Variants in GAREM1 observed in about 807,000 individuals in gnomAD.
GAREM1 encodes GRB2 associated regulator of MAPK1 subtype 1.
Under a neutral mutation model 71.3 loss-of-function variants are expected in GAREM1, and 26 were observed. The ratio of observed to expected loss-of-function variants is 0.36; its 90% CI spans 0.27 to 0.51. GAREM1 has a LOEUF of 0.51. GAREM1 is among the 20% of genes least tolerant of loss of function. GAREM1 has a pLI of 0.95. For synonymous variants in GAREM1, 440 were observed against 433.2 expected (o/e 1.02, Z -0.20); for missense variants, 1,026 against 1,103.1 (o/e 0.93, Z 0.99).
At chr18:32,466,954 T>C (rs1300680778) in intron 1 of GAREM1, among the ~76,000 whole-genome samples, 1 of 152,310 alleles carries the variant, frequency 6.6e-6, no homozygotes, top group African/African-American at 2.4e-5. Context: ...TATCTTATCA[T>C]ACAAAGGCAA....
intron 1 of GAREM1, among the ~76,000 whole-genome samples, chr18:32,400,133 A>C (rs1171820124): frequency 1.3e-5 from 2 of 152,232 alleles, no homozygotes; most frequent in African/African-American, 2.4e-5. Flanking sequence ...TAGAAAGCTG[A>C]AACTGGATCT....
chr18:32,389,180 T>G (rs1005665910), intron 2 of GAREM1, among the ~76,000 whole-genome samples: 2 of 152,016 alleles, frequency 1.3e-5, no homozygotes, highest in African/African-American at 4.8e-5. Context: ...CAAAATAAAA[T>G]TACAAAAGCA....
At chr18:32,439,993 C>A (rs550438000) in intron 1 of GAREM1, among the ~76,000 whole-genome samples, 1 of 152,170 alleles carries the variant, frequency 6.6e-6, no homozygotes, top group Non-Finnish European at 1.5e-5. Flanking sequence ...TTAGGACCAG[C>A]GGGGGCACTC....
intron 2 of GAREM1, among the ~76,000 whole-genome samples, chr18:32,383,932 A>C (rs1265601765): frequency 6.6e-6 from 1 of 152,230 alleles, no homozygotes; most frequent in Non-Finnish European, 1.5e-5. Flanking sequence ...TAAAATTTTT[A>C]GAGCTTTACT....
chr18:32,399,816 A>C (rs1338817285), intron 1 of GAREM1, among the ~76,000 whole-genome samples: 1 of 152,212 alleles, frequency 6.6e-6, no homozygotes, highest in East Asian at 1.9e-4. Flanking sequence ...GAATTGGAAA[A>C]AACTACTTTA....
At chr18:32,364,026 A>ATTTT (rs1336753011) in intron 2 of GAREM1, among the ~76,000 whole-genome samples, 1 of 46,418 alleles carries the variant, frequency 2.2e-5, no homozygotes, top group African/African-American at 1.6e-4. Flanking sequence ...ATATATATAT[A>ATTTT]TGTTTTTTTT....
At chr18:32,277,320 T>C (rs766325974) in intron 4 of GAREM1, among the ~76,000 whole-genome samples, 14 of 152,212 alleles carry the variant, frequency 9.2e-5, no homozygotes, top group South Asian at 4.1e-4. Context: ...TGCATGCATG[T>C]AAGCTGGAGG....
At chr18:32,285,441 G>A (rs1012482164) in intron 4 of GAREM1, among the ~76,000 whole-genome samples, 2 of 152,146 alleles carry the variant, frequency 1.3e-5, no homozygotes, top group Admixed American at 6.5e-5. Context: ...ACCCTATCCA[G>A]CCCTATTCAA....
At chr18:32,378,012 CTGTGTG>C (rs1157230204) in intron 2 of GAREM1, among the ~76,000 whole-genome samples, 2,923 of 131,814 alleles carry the variant, frequency 0.022, 33 homozygotes, top group South Asian at 0.034. Context: ...TACTATATAA[CTGTGTG>C]TGTGTGTGTG....
At chr18:32,435,041 A>G (rs1207377214) in intron 1 of GAREM1, among the ~76,000 whole-genome samples, 1 of 152,110 alleles carries the variant, frequency 6.6e-6, no homozygotes, top group Non-Finnish European at 1.5e-5. Flanking sequence ...TCCCTCTCAG[A>G]TCTTTCCCAA....
chr18:32,316,228 C>G (rs1206297657), intron 2 of GAREM1, among the ~76,000 whole-genome samples: 1 of 152,152 alleles, frequency 6.6e-6, no homozygotes, highest in Admixed American at 6.5e-5. Context: ...TGGCCAAATG[C>G]TACAACTGTT....
intron 2 of GAREM1, among the ~76,000 whole-genome samples, chr18:32,314,017 A>G (rs1027426189): frequency 3.3e-5 from 5 of 152,152 alleles, no homozygotes; most frequent in African/African-American, 1.2e-4. Flanking sequence ...ACATAGAAAT[A>G]TGTAGGGGTA....
intron 1 of GAREM1, among the ~76,000 whole-genome samples, chr18:32,405,274 T>C (rs1373446246): frequency 1.3e-5 from 2 of 152,058 alleles, no homozygotes; most frequent in East Asian, 1.9e-4. Flanking sequence ...TCTTGGCTCA[T>C]TGCAACCTCC....
intron 1 of GAREM1, among the ~76,000 whole-genome samples, chr18:32,447,599 G>A (rs751687127): frequency 6.6e-6 from 1 of 152,100 alleles, no homozygotes; most frequent in Non-Finnish European, 1.5e-5. Context: ...TTACAGGAAA[G>A]CAATAATGAT....
intron 1 of GAREM1, among the ~76,000 whole-genome samples, chr18:32,450,770 C>T (rs966282874): frequency 7.9e-5 from 12 of 152,092 alleles, no homozygotes; most frequent in East Asian, 5.8e-4. Context: ...AGTTGGGTGT[C>T]GCCATGGGTC....
At chr18:32,363,991 TATAC>T (rs1221243353) in intron 2 of GAREM1, among the ~76,000 whole-genome samples, 2 of 50,172 alleles carry the variant, frequency 4.0e-5, no homozygotes, top group East Asian at 5.6e-4. Context: ...TAAATACATA[TATAC>T]ATATATATAT....
chr18:32,276,203 C>A (rs1042159565), intron 4 of GAREM1, among the ~76,000 whole-genome samples: 2 of 152,198 alleles, frequency 1.3e-5, no homozygotes, highest in Admixed American at 1.3e-4. Context: ...CATATTCAGA[C>A]AACTGAAATA....
intron 1 of GAREM1, among the ~76,000 whole-genome samples, chr18:32,447,533 A>G (rs766333428): frequency 3.3e-5 from 5 of 151,820 alleles, no homozygotes; most frequent in African/African-American, 4.9e-5. Context: ...TATTAATGCA[A>G]CATTTTCTTA....
intron 1 of GAREM1, among the ~76,000 whole-genome samples, chr18:32,396,587 G>A (rs1051373961): frequency 1.3e-5 from 2 of 152,234 alleles, no homozygotes; most frequent in Non-Finnish European, 2.9e-5. Flanking sequence ...GAAATGAAGC[G>A]AGAAGAGAAG....
Sources: gnomAD v4.1 joint callset for allele counts (sites outside exome capture counted in the v4.1 genomes callset) on GRCh38, gnomAD v4.1.1 for gene constraint, MANE v1.5 for transcripts, NCBI Gene and HGNC (gene_info 2026-07-23, HGNC 2026-07-21) for gene names.